PLCG2: variants seen among roughly 807,000 people sequenced by gnomAD.
The protein encoded by PLCG2 is 1-phosphatidylinositol 4,5-bisphosphate phosphodiesterase gamma-2.
A neutral mutation model predicts 175.6 loss-of-function variants in PLCG2; 69 were observed. The observed-to-expected ratio is 0.39, with a 90% CI of 0.32 to 0.48. The LOEUF is 0.48. PLCG2 is among the 20% of genes least tolerant of loss of function. The pLI is 0.91. For missense variants in PLCG2, 1,798 were observed against 1,650.9 expected (o/e 1.09, Z -1.54); for synonymous variants, 827 against 624.0 (o/e 1.33, Z -4.85).
intron 2 of PLCG2, among the ~76,000 whole-genome samples, chr16:81,829,946 C>T (rs895842258): frequency 6.6e-6 from 1 of 150,954 alleles, no homozygotes; most frequent in Non-Finnish European, 1.5e-5. Context: ...GGTGGCATCC[C>T]CACTAGGTGC....
intron 2 of PLCG2, among the ~76,000 whole-genome samples, chr16:81,824,381 A>C (rs942502360): frequency 4.6e-5 from 7 of 151,932 alleles, no homozygotes; most frequent in Non-Finnish European, 1.5e-5. Context: ...TAATCCACCC[A>C]CCTCAACCTC....
rs765499098 is a variant in PLCG2 at position 81,858,383 on chromosome 16, C to T, written c.431+27C>T. 59 of 1,477,962 alleles carry T rather than the reference C, an allele frequency of 4.0e-5. 1 individual carries two copies. The highest frequency in any genetic ancestry group is 3.6e-4 in the East Asian group (16 of 44,264). The allele number at this position is 1,477,962 out of a possible 1,614,324, so 91.6% of individuals were successfully genotyped here. On this transcript the variant is annotated intron_variant, in intron 4 of 32. Coordinates refer to ENST00000564138, the MANE Select transcript of PLCG2 (RefSeq NM_002661.5). ...TAGTTGGCTTTTGCCTGTTGATTTG[C>T]GTAGTTGCTGATTCCTTTATTCTGC... is the stretch of plus-strand genomic sequence containing the variant.
intron 2 of PLCG2, among the ~76,000 whole-genome samples, chr16:81,851,298 C>G (rs1261327750): frequency 6.6e-6 from 1 of 152,218 alleles, no homozygotes. Flanking sequence ...AAAACCTGGA[C>G]ATGGTCGCTG....
In PLCG2 at chr16:81,785,942, G is replaced by C. The variant is rs1194935839; in HGVS notation, c.-47-1G>C. 6.4e-7 allele frequency: 1 copy of C among 1,561,142 alleles called. No individual in the cohort carries two copies. The highest frequency in any genetic ancestry group is 1.4e-5 in the African/African-American group (1 of 73,534). ...TTCACTCTTTAATTCTGCCCTTTCA[G>C]CTTCCTGATTTCTCCCGATTCCTTC... On this transcript the variant is annotated splice_acceptor_variant, in intron 1 of 32. Coordinates refer to ENST00000564138, the MANE Select transcript of PLCG2 (RefSeq NM_002661.5). LOFTEE classifies it low-confidence loss of function (5UTR_SPLICE).
intron 2 of PLCG2, among the ~76,000 whole-genome samples, chr16:81,790,509 G>C (rs1396130901): frequency 6.6e-6 from 1 of 152,212 alleles, no homozygotes; most frequent in African/African-American, 2.4e-5. Context: ...CTGCTGAGAA[G>C]GGTGACGTTT....
At chr16:81,943,951 C>G (rs933666636) in intron 30 of PLCG2, among the ~76,000 whole-genome samples, 2 of 152,096 alleles carry the variant, frequency 1.3e-5, no homozygotes, top group Non-Finnish European at 2.9e-5. Flanking sequence ...ATGCACAGCT[C>G]AGGAATTCTG....
Position 81,747,056 on chromosome 16 carries a change from A to G in PLCG2, c.-145+7671A>G, listed in dbSNP as rs78044636. The stretch of plus-strand genomic sequence containing the variant: ...AGATGAAAGTTAAAAGCATATGACA[A>G]GCTTCTGGGTCAAGCATTCTCAAAC... On this transcript the variant is annotated intron_variant, in intron 1 of 5. Coordinates refer to the PLCG2 transcript ENST00000565054. Among the ~76,000 whole-genome samples, 1,098 of 152,314 alleles carry G rather than the reference A, an allele frequency of 7.2e-3. 8 individuals carry two copies. Among genetic ancestry groups the G allele is most frequent in the African/African-American group, 0.025 (1,044 of 41,546 alleles).
At chr16:81,789,804 C>T (rs911676428) in intron 2 of PLCG2, among the ~76,000 whole-genome samples, 13 of 152,014 alleles carry the variant, frequency 8.6e-5, no homozygotes, top group Admixed American at 7.2e-4. Flanking sequence ...CCTCTTCTCC[C>T]TCCCACTTTC....
At chr16:81,754,499 A>G (rs1178904642) in intron 1 of PLCG2, among the ~76,000 whole-genome samples, 1 of 91,650 alleles carries the variant, frequency 1.1e-5, no homozygotes, top group East Asian at 2.9e-4. Context: ...CTCCTTTCCC[A>G]TCTCCTTTCC....
At chr16:81,751,596 A>C (rs1210026769) in intron 1 of PLCG2, among the ~76,000 whole-genome samples, 5 of 152,346 alleles carry the variant, frequency 3.3e-5, no homozygotes, top group South Asian at 2.1e-4. Flanking sequence ...GTACATTTCA[A>C]AATTGCTAAG....
At chr16:81,760,630 G>A (rs1910017393) in intron 2 of PLCG2, among the ~76,000 whole-genome samples, 1 of 151,960 alleles carries the variant, frequency 6.6e-6, no homozygotes, top group Non-Finnish European at 1.5e-5. Context: ...ACTTATATGG[G>A]CTGAGCACAA....
At chr16:81,938,654 G>C (rs1321480293) in intron 28 of PLCG2, 147 bp from the exon 29 acceptor site, 1 of 607,170 alleles carries the variant, frequency 1.6e-6, no homozygotes, top group Non-Finnish European at 2.9e-6. Context: ...CACTGCAGAA[G>C]GTTGCTCCGG....
At chr16:81,835,879 C>G (rs916583255) in intron 2 of PLCG2, among the ~76,000 whole-genome samples, 16 of 152,154 alleles carry the variant, frequency 1.1e-4, no homozygotes, top group African/African-American at 3.6e-4. Context: ...TATTGGCACT[C>G]CCATCTCTCC....
chr16:81,858,821 A>G (rs1243146357), intron 4 of PLCG2, among the ~76,000 whole-genome samples: 3 of 150,444 alleles, frequency 2.0e-5, no homozygotes, highest in East Asian at 2.0e-4. Context: ...CCACTAAATC[A>G]AAGTCCTCTA....
Position 81,908,428 on chromosome 16 carries a change from A to G in PLCG2, c.1570A>G (p.Thr524Ala), listed in dbSNP as rs556662120. 3 of 1,613,946 alleles carry G rather than the reference A, an allele frequency of 1.9e-6. No homozygotes were observed. Among genetic ancestry groups the G allele is most frequent in the East Asian group, 2.2e-5 (1 of 44,878 alleles). The change falls in exon 17 of 33, where the codon ACA becomes GCA. Residue 524 changes from threonine (T) to alanine (A), a missense_variant. Coordinates refer to ENST00000564138, the MANE Select transcript of PLCG2 (RefSeq NM_002661.5). ...CTTTGCGGCCCAGGATATACCCCCT[A>G]CAGAACTACATTTTGGGGAGAAATG... ...EEEVPQDIPPTELHFGEKWFH... is the reference protein window; with the variant it reads ...EEEVPQDIPPAELHFGEKWFH...
At chr16:81,914,577 A>C (rs1316004886) in intron 19 of PLCG2, among the ~76,000 whole-genome samples, 1 of 151,988 alleles carries the variant, frequency 6.6e-6, no homozygotes, top group Non-Finnish European at 1.5e-5. Flanking sequence ...GGAAGTTTTT[A>C]TTTTTTAGAA....
intron 2 of PLCG2, among the ~76,000 whole-genome samples, chr16:81,795,515 G>T (rs547341950): frequency 6.6e-6 from 1 of 152,216 alleles, no homozygotes; most frequent in Non-Finnish European, 1.5e-5. Flanking sequence ...GGGATTGGGG[G>T]TGGGACTCTG....
chr16:81,790,930 T>G (rs1911203101), intron 2 of PLCG2, among the ~76,000 whole-genome samples: 1 of 152,158 alleles, frequency 6.6e-6, no homozygotes, highest in South Asian at 2.1e-4. Flanking sequence ...CAGAGAGTGA[T>G]CCAGCAAACG....
intron 13 of PLCG2, chr16:81,898,175 C>G (rs1334343763): frequency 5.0e-6 from 1 of 199,378 alleles, no homozygotes; most frequent in East Asian, 1.7e-4. Context: ...TCATTCATGA[C>G]TAGAGGAAGT....
Sources: allele counts gnomAD v4.1 joint callset (sites outside exome capture counted in the v4.1 genomes callset), GRCh38; gene constraint gnomAD v4.1.1; transcripts MANE v1.5; gene names NCBI Gene and HGNC (gene_info 2026-07-23, HGNC 2026-07-21).